The following CERS6 variants were observed in gnomAD, a reference collection of about 807,000 sequenced individuals.
The protein encoded by CERS6 is LAG1 homolog, ceramide synthase 6.
Under a neutral mutation model 56.8 loss-of-function variants are expected in CERS6, and 26 were observed. The ratio of observed to expected loss-of-function variants is 0.46; its 90% CI spans 0.34 to 0.63. CERS6 has a LOEUF of 0.63. CERS6 is among the 30% of genes least tolerant of loss of function. The probability of loss-of-function intolerance (pLI) is 0.01; values close to 1 mark genes in which losing one functional copy is unlikely to be tolerated. For missense variants in CERS6, 415 were observed against 467.5 expected (o/e 0.89, Z 1.04); for synonymous variants, 164 against 173.3 (o/e 0.95, Z 0.42).
intron 1 of CERS6, among the ~76,000 whole-genome samples, chr2:168,476,081 G>GT (rs1345893961): frequency 6.6e-6 from 1 of 152,102 alleles, no homozygotes; most frequent in African/African-American, 2.4e-5. Context: ...TATTACTATT[G>GT]TTTCTCTTTC....
At chr2:168,469,434 A>G (rs1693938464) in intron 1 of CERS6, among the ~76,000 whole-genome samples, 1 of 152,212 alleles carries the variant, frequency 6.6e-6, no homozygotes, top group Admixed American at 6.5e-5. Flanking sequence ...ATGAAACCAC[A>G]ATGCTGTATA....
At chr2:168,487,219 C>T (rs574497070) in intron 1 of CERS6, among the ~76,000 whole-genome samples, 2 of 152,220 alleles carry the variant, frequency 1.3e-5, no homozygotes, top group South Asian at 4.1e-4. Flanking sequence ...TCATTTTATT[C>T]TTTCTCCTTA....
At chr2:168,652,029 C>T (rs1405251201) in intron 4 of CERS6, among the ~76,000 whole-genome samples, 3 of 151,420 alleles carry the variant, frequency 2.0e-5, no homozygotes, top group Non-Finnish European at 2.9e-5. Flanking sequence ...CTCACTGCCC[C>T]CCACCCCCTT....
chr2:168,706,347 CTAAA>C (rs1323280928), intron 6 of CERS6, among the ~76,000 whole-genome samples: 1 of 152,118 alleles, frequency 6.6e-6, no homozygotes, highest in Non-Finnish European at 1.5e-5. Flanking sequence ...TAAATATTAA[CTAAA>C]TAATTCACAG....
intron 6 of CERS6, among the ~76,000 whole-genome samples, chr2:168,703,171 A>G (rs1686846099): frequency 6.6e-6 from 1 of 152,240 alleles, no homozygotes. Flanking sequence ...CCTCATAAAC[A>G]AATACTCTTT....
chr2:168,554,008 T>C (rs1457213405), intron 2 of CERS6, among the ~76,000 whole-genome samples: 2 of 152,146 alleles, frequency 1.3e-5, no homozygotes, highest in Non-Finnish European at 2.9e-5. Flanking sequence ...TTATTGACTA[T>C]TGTAGTATTG....
intron 1 of CERS6, among the ~76,000 whole-genome samples, chr2:168,498,306 G>T (rs1302714217): frequency 2.0e-5 from 3 of 151,938 alleles, no homozygotes; most frequent in Non-Finnish European, 4.4e-5. Context: ...CCTGAATCCT[G>T]GCCTTTTGGT....
At chr2:168,572,537 TATA>T (rs1696008748) in intron 3 of CERS6, among the ~76,000 whole-genome samples, 1 of 151,010 alleles carries the variant, frequency 6.6e-6, no homozygotes, top group South Asian at 2.1e-4. Flanking sequence ...TACGTATATA[TATA>T]ATATTATGTA....
At chr2:168,523,614 G>A (rs1695021785) in intron 1 of CERS6, among the ~76,000 whole-genome samples, 2 of 152,030 alleles carry the variant, frequency 1.3e-5, no homozygotes, top group Admixed American at 6.6e-5. Context: ...TGGAGAGAAG[G>A]CCAATAACCA....
chr2:168,515,522 T>G (rs1694870162), intron 1 of CERS6, among the ~76,000 whole-genome samples: 1 of 152,334 alleles, frequency 6.6e-6, no homozygotes, highest in East Asian at 1.9e-4. Flanking sequence ...TGGGGACCAC[T>G]TTAAGTTCAT....
At chr2:168,486,519 G>GT (rs200121622) in intron 1 of CERS6, among the ~76,000 whole-genome samples, 4 of 131,002 alleles carry the variant, frequency 3.1e-5, no homozygotes, top group Middle Eastern at 3.6e-3. Flanking sequence ...TCTAGATTTG[G>GT]TTTTGTTTTT....
At chr2:168,484,690 T>C (rs1694243895) in intron 1 of CERS6, among the ~76,000 whole-genome samples, 1 of 152,164 alleles carries the variant, frequency 6.6e-6, no homozygotes, top group African/African-American at 2.4e-5. Flanking sequence ...AACGTAAGTA[T>C]GTATGGGTTT....
intron 3 of CERS6, among the ~76,000 whole-genome samples, chr2:168,578,796 T>G: frequency 6.6e-6 from 1 of 152,168 alleles, no homozygotes; most frequent in Non-Finnish European, 1.5e-5. Flanking sequence ...AGGGATGCAT[T>G]GTAAAATCCT....
chr2:168,746,775 GTATATATATATATATA>G (rs71003053), intron 8 of CERS6, among the ~76,000 whole-genome samples: 3,202 of 39,018 alleles, frequency 0.082, 142 homozygotes, highest in Middle Eastern at 0.18. Flanking sequence ...AGGGTAAAGG[GTATATATATATATATA>G]TATATATATA....
Position 168,766,199 on chromosome 2 carries a change from T to G in CERS6, c.1002+451T>G, listed in dbSNP as rs560098973. ...TTTTTGGTTAAAAGTGGACTTGAGGTTGATTCGAATAAAGCTTCCTAAGCC... is the reference window on the plus strand; with the variant it reads ...TTTTTGGTTAAAAGTGGACTTGAGGGTGATTCGAATAAAGCTTCCTAAGCC... On this transcript the variant is annotated intron_variant, in intron 9 of 9. Transcript: ENST00000305747. 8.4e-6 allele frequency: 7 copies of G among 829,714 alleles called. No homozygotes were observed. In the East Asian group the frequency reaches 1.5e-4, roughly 18 times the overall value. The allele number at this position is 829,714 out of a possible 1,614,324, so 51.4% of individuals were successfully genotyped here. A position where few individuals can be genotyped will look rare whatever the true frequency, so the allele number is the denominator to read the frequency against.
chr2:168,541,204 A>G (rs1695362498), intron 1 of CERS6, among the ~76,000 whole-genome samples: 1 of 152,132 alleles, frequency 6.6e-6, no homozygotes, highest in South Asian at 2.1e-4. Context: ...TTTATGAGGG[A>G]TCTGCCTCCA....
At chr2:168,551,634 T>C (rs1695574047) in intron 2 of CERS6, among the ~76,000 whole-genome samples, 1 of 152,232 alleles carries the variant, frequency 6.6e-6, no homozygotes, top group African/African-American at 2.4e-5. Flanking sequence ...GTAAATGATA[T>C]AGCATCTTTT....
intron 2 of CERS6, among the ~76,000 whole-genome samples, chr2:168,557,407 A>G (rs1042545684): frequency 3.9e-5 from 6 of 152,186 alleles, no homozygotes; most frequent in African/African-American, 1.4e-4. Flanking sequence ...TTGTGTGACC[A>G]TTTGTTTATT....
intron 3 of CERS6, among the ~76,000 whole-genome samples, chr2:168,573,421 G>T (rs377086065): frequency 6.6e-5 from 10 of 152,174 alleles, no homozygotes; most frequent in Admixed American, 1.3e-4. Context: ...TTTTATGATA[G>T]ATTTGGGGGA....
Sources: gnomAD v4.1 joint callset for allele counts (sites outside exome capture counted in the v4.1 genomes callset) on GRCh38, gnomAD v4.1.1 for gene constraint, MANE v1.5 for transcripts, NCBI Gene and HGNC (gene_info 2026-07-23, HGNC 2026-07-21) for gene names.